Variants in COBL observed in about 807,000 individuals in gnomAD.
COBL encodes protein cordon-bleu.
A neutral mutation model predicts 98.8 loss-of-function variants in COBL; 51 were observed. The ratio of observed to expected loss-of-function variants is 0.52; its 90% CI spans 0.41 to 0.65. The LOEUF is 0.65. COBL is among the 30% of genes least tolerant of loss of function. The probability of loss-of-function intolerance (pLI) is 0.00; values close to 1 mark genes in which losing one functional copy is unlikely to be tolerated. For missense variants in COBL, 1,617 were observed against 1,617.5 expected, an observed-to-expected ratio of 1.00 and a Z score of 0.01; for synonymous variants, 634 against 651.7, an observed-to-expected ratio of 0.97 and a Z score of 0.41.
intron 1 of COBL, among the ~76,000 whole-genome samples, chr7:51,296,457 T>G (rs1759264589): frequency 6.6e-6 from 1 of 152,154 alleles, no homozygotes; most frequent in South Asian, 2.1e-4. Flanking sequence ...TGGCTTTACT[T>G]TCTTCTTCTA....
intron 6 of COBL, among the ~76,000 whole-genome samples, chr7:51,120,873 T>G (rs1562935769): frequency 6.6e-6 from 1 of 152,250 alleles, no homozygotes; most frequent in Non-Finnish European, 1.5e-5. Context: ...AGAATAATAT[T>G]TCATTGTAAA....
chr7:51,091,449 TAA>T (rs1368946001), intron 6 of COBL, among the ~76,000 whole-genome samples: 2 of 152,040 alleles, frequency 1.3e-5, no homozygotes, highest in African/African-American at 2.4e-5. Context: ...ATCAGTGAAC[TAA>T]AAGACAGGTC....
chr7:51,288,067 A>C (rs1389237347), intron 1 of COBL, among the ~76,000 whole-genome samples: 2 of 152,250 alleles, frequency 1.3e-5, no homozygotes, highest in African/African-American at 4.8e-5. Flanking sequence ...GTATCTATGC[A>C]CATGTTAAAA....
chr7:51,190,710 C>T, intron 4 of COBL, 140 bp downstream of exon 4: 1 of 675,308 alleles, frequency 1.5e-6, no homozygotes, highest in South Asian at 1.9e-5. Flanking sequence ...TTGCCTACTT[C>T]AACTTGACTT....
chr7:51,127,133 G>A (rs568508026), intron 6 of COBL, among the ~76,000 whole-genome samples: 4 of 152,230 alleles, frequency 2.6e-5, no homozygotes, highest in Admixed American at 1.3e-4. Flanking sequence ...CAACCTCGTC[G>A]CTTGTGGTCC....
chr7:51,097,895 GCAC>G (rs1795426118), intron 6 of COBL, among the ~76,000 whole-genome samples: 1 of 151,814 alleles, frequency 6.6e-6, no homozygotes. Flanking sequence ...ATGGTGGCGG[GCAC>G]CTGTAGTCCC....
At chr7:51,029,698 T>G in intron 9 of COBL, 107 bp from the exon 10 acceptor site, 2 of 887,190 alleles carry the variant, frequency 2.3e-6, no homozygotes, top group Non-Finnish European at 3.4e-6. Flanking sequence ...AATACATTAT[T>G]TATATACGTT....
At chr7:51,312,511 T>C (rs1417698902) in intron 1 of COBL, among the ~76,000 whole-genome samples, 3 of 152,192 alleles carry the variant, frequency 2.0e-5, no homozygotes, top group Admixed American at 1.3e-4. Flanking sequence ...CAAAATTAAA[T>C]TTAATCATAA....
chr7:51,193,227 C>T (rs1277125198), intron 3 of COBL, 152 bp downstream of exon 3: 1 of 634,452 alleles, frequency 1.6e-6, no homozygotes, highest in Non-Finnish European at 2.8e-6. Flanking sequence ...CTAAAACAAA[C>T]TCTGTTTAGT....
intron 5 of COBL, among the ~76,000 whole-genome samples, chr7:51,143,635 C>G (rs1376628517): frequency 6.6e-6 from 1 of 152,150 alleles, no homozygotes; most frequent in East Asian, 1.9e-4. Context: ...GGCACCACTA[C>G]AGGACACAGA....
Position 51,028,001 on chromosome 7 carries a change from C to T in COBL, c.3095G>A (p.Cys1032Tyr), listed in dbSNP as rs780099196. 6 of 1,602,614 alleles carry T rather than the reference C, an allele frequency of 3.7e-6. No homozygotes were observed. In the Admixed American group the frequency reaches 6.7e-5, roughly 18 times the overall value. The change falls in exon 10 of 13, where the codon TGC (cysteine) becomes TAC (tyrosine). Residue 1032 changes from cysteine (C) to tyrosine (Y), a missense_variant. Physicochemically the swap from Cys to Tyr is radical, Grantham distance 194. Coordinates refer to ENST00000265136, the MANE Select transcript of COBL (RefSeq NM_015198.5). ...PPPHTSDTQA[C>Y]SRELVNGSVR... Reference sequence around the variant, plus strand: ...AGAGCCATTGACCAGCTCCCTGCTGCAGGCCTGAGTGTCAGATGTGTGTGG... The same window carrying T: ...AGAGCCATTGACCAGCTCCCTGCTGTAGGCCTGAGTGTCAGATGTGTGTGG...
intron 2 of COBL, among the ~76,000 whole-genome samples, chr7:51,195,721 G>A (rs568824549): frequency 6.6e-6 from 1 of 152,230 alleles, no homozygotes; most frequent in South Asian, 2.1e-4. Context: ...TCGCTGGTTA[G>A]CTTCATTCCT....
At chr7:51,088,342 C>T (rs942270171) in intron 6 of COBL, among the ~76,000 whole-genome samples, 2 of 105,002 alleles carry the variant, frequency 1.9e-5, no homozygotes, top group Non-Finnish European at 2.0e-5. Flanking sequence ...TTTCTGATTT[C>T]CCCCCCTCTT....
intron 8 of COBL, among the ~76,000 whole-genome samples, chr7:51,042,759 C>T (rs1375286761): frequency 6.6e-6 from 1 of 152,216 alleles, no homozygotes; most frequent in East Asian, 1.9e-4. Flanking sequence ...AGATGCTCAT[C>T]CTTCCTAATC....
chr7:51,296,989 T>C (rs1801471889), intron 1 of COBL, among the ~76,000 whole-genome samples: 1 of 152,124 alleles, frequency 6.6e-6, no homozygotes, highest in Non-Finnish European at 1.5e-5. Flanking sequence ...AATGAAAGGA[T>C]CATCTTTAGC....
chr7:51,302,411 A>C (rs1353175287), intron 1 of COBL, among the ~76,000 whole-genome samples: 1 of 151,944 alleles, frequency 6.6e-6, no homozygotes, highest in Non-Finnish European at 1.5e-5. Context: ...GAGAAACCCT[A>C]TCTCTACTAA....
At chr7:51,308,849 G>A (rs953539851) in intron 1 of COBL, among the ~76,000 whole-genome samples, 5 of 152,200 alleles carry the variant, frequency 3.3e-5, no homozygotes, top group African/African-American at 1.2e-4. Flanking sequence ...TCAGCACCCC[G>A]ATGTGTTGCA....
intron 5 of COBL, among the ~76,000 whole-genome samples, chr7:51,171,396 A>C (rs9986731): frequency 3.1e-4 from 47 of 152,296 alleles, no homozygotes; most frequent in African/African-American, 1.1e-3. Context: ...GAGGAATTAA[A>C]AAGCACTGCT....
chr7:51,043,934 C>T (rs1276610033), intron 7 of COBL, among the ~76,000 whole-genome samples: 1 of 152,134 alleles, frequency 6.6e-6, no homozygotes, highest in African/African-American at 2.4e-5. Context: ...ATTAATTAGC[C>T]TTTTACATTG....
Sources: allele counts gnomAD v4.1 joint callset (sites outside exome capture counted in the v4.1 genomes callset), GRCh38; gene constraint gnomAD v4.1.1; transcripts MANE v1.5; gene names NCBI Gene and HGNC (gene_info 2026-07-23, HGNC 2026-07-21).